SRGAP2B: variants seen among roughly 807,000 people sequenced by gnomAD.
The protein encoded by SRGAP2B is SLIT-ROBO Rho GTPase-activating protein 2B.
A neutral mutation model predicts 22.2 loss-of-function variants in SRGAP2B; 9 were observed. That is an observed-to-expected ratio of 0.41 (90% CI 0.24 to 0.71). The LOEUF is 0.71. SRGAP2B is among the 30% of genes least tolerant of loss of function. The pLI, the probability that SRGAP2B is intolerant of heterozygous loss-of-function variation, is 0.35. For missense variants in SRGAP2B, 114 were observed against 235.8 expected (o/e 0.48, Z 3.38); for synonymous variants, 36 against 87.4 (o/e 0.41, Z 3.28).
At chr1:145,057,089 G>A (rs1456605968) in intron 2 of SRGAP2B, among the ~76,000 whole-genome samples, 6 of 135,038 alleles carry the variant, frequency 4.4e-5, no homozygotes, top group African/African-American at 1.7e-4. Context: ...AGAAACAGCA[G>A]GTACAAAACT....
chr1:145,015,390 A>AT (rs1188954565), intron 2 of SRGAP2B, among the ~76,000 whole-genome samples: 1 of 117,202 alleles, frequency 8.5e-6, no homozygotes, highest in African/African-American at 3.6e-5. Context: ...AAGTTCATAA[A>AT]TTTTTAAATG....
In SRGAP2B at chr1:144,994,662, A is replaced by C. The variant is rs1486237600; in HGVS notation, c.260+346T>G. On this transcript the variant is annotated intron_variant, in intron 3 of 9. Coordinates refer to ENST00000612199, the Ensembl canonical transcript of SRGAP2B. ...AAGCCCCTTAACCTTTTTATGCCTC[A>C]GTTTCCTCATCTATAAATTGGGGAT... Among the ~76,000 whole-genome samples the C allele has an allele frequency of 6.2e-4, 91 of 147,292 alleles. 6 individuals are homozygous for C. Among genetic ancestry groups the C allele is most frequent in the Non-Finnish European group, 1.1e-3 (73 of 67,292 alleles).
intron 4 of SRGAP2B, chr1:144,918,392 A>C (rs1354966344): frequency 3.4e-5 from 5 of 148,042 alleles, no homozygotes; most frequent in African/African-American, 1.3e-4. Flanking sequence ...TTTGAAACTC[A>C]CCACAACCAT....
intron 2 of SRGAP2B, among the ~76,000 whole-genome samples, chr1:144,997,200 G>A (rs1204835290): frequency 2.7e-5 from 4 of 150,504 alleles, no homozygotes; most frequent in Non-Finnish European, 4.4e-5. Context: ...AGGCCGAGGC[G>A]GGCGGATCAC....
At chr1:144,952,740 T>C (rs1236375246) in intron 4 of SRGAP2B, among the ~76,000 whole-genome samples, 1 of 150,596 alleles carries the variant, frequency 6.6e-6, no homozygotes, top group Admixed American at 6.6e-5. Flanking sequence ...CCTGGGCTCA[T>C]GCAATACTCC....
At chr1:145,011,821 A>C (rs1397730641) in intron 2 of SRGAP2B, among the ~76,000 whole-genome samples, 2 of 149,626 alleles carry the variant, frequency 1.3e-5, no homozygotes, top group Admixed American at 6.6e-5. Flanking sequence ...TCTACTCTCC[A>C]CACTGCAGCC....
chr1:144,904,166 T>C (rs1174238647), intron 7 of SRGAP2B, among the ~76,000 whole-genome samples: 1 of 149,958 alleles, frequency 6.7e-6, no homozygotes, highest in Non-Finnish European at 1.5e-5. Context: ...GACAGGACCC[T>C]AATTTGCGCA....
intron 4 of SRGAP2B, among the ~76,000 whole-genome samples, chr1:144,924,791 T>C (rs1359441531): frequency 2.0e-5 from 3 of 146,462 alleles, no homozygotes; most frequent in African/African-American, 8.0e-5. Flanking sequence ...GCAGTATCCA[T>C]ATATGTCATT....
chr1:144,969,702 C>T (rs587626783), intron 3 of SRGAP2B, among the ~76,000 whole-genome samples: 3 of 150,720 alleles, frequency 2.0e-5, no homozygotes, highest in Admixed American at 2.0e-4. Context: ...TCAGAGTGAA[C>T]AGGCAAACTA....
In SRGAP2B at chr1:144,951,614, G is replaced by T. The variant is rs1298555102; in HGVS notation, c.423+3825C>A. Among the ~76,000 whole-genome samples the T allele has an allele frequency of 8.0e-4, 120 of 150,386 alleles. 1 individual carries two copies. Among genetic ancestry groups the T allele is most frequent in the Non-Finnish European group, 1.5e-3 (100 of 67,898 alleles). Reference sequence around the variant, plus strand: ...TATAAAGTGCTTAACACGATACCTGGCACATAGAGGTTCAAAATATAATGA... The same window carrying T: ...TATAAAGTGCTTAACACGATACCTGTCACATAGAGGTTCAAAATATAATGA... On this transcript the variant is annotated intron_variant, in intron 4 of 9. Coordinates refer to ENST00000612199, the Ensembl canonical transcript of SRGAP2B.
rs1386625485 is a variant in SRGAP2B at position 145,006,556 on chromosome 1, G to A, written c.68-11356C>T. Among the ~76,000 whole-genome samples the A allele has an allele frequency of 9.3e-5, 14 of 149,758 alleles. 2 individuals carry two copies. The highest frequency in any genetic ancestry group is 2.3e-4 in the African/African-American group (9 of 39,640). On this transcript the variant is annotated intron_variant, in intron 2 of 9. Transcript: ENST00000612199. ...TTCTGGATGTTGGGTAGACAGTCCC[G>A]TCCTTGACAAAACTTATTCCAATGA...
chr1:145,045,013 G>T (rs1269167421), intron 2 of SRGAP2B, among the ~76,000 whole-genome samples: 1 of 148,650 alleles, frequency 6.7e-6, no homozygotes, highest in Non-Finnish European at 1.5e-5. Context: ...TGGAGCCTTT[G>T]TCTATTTCAT....
At chr1:144,975,226 T>C (rs1553613995) in intron 3 of SRGAP2B, among the ~76,000 whole-genome samples, 1 of 148,202 alleles carries the variant, frequency 6.7e-6, no homozygotes, top group Non-Finnish European at 1.5e-5. Context: ...AGGAAAACAT[T>C]AAATACAAAC....
intron 3 of SRGAP2B, among the ~76,000 whole-genome samples, chr1:144,956,917 C>T (rs1322080644): frequency 2.0e-5 from 3 of 149,806 alleles, no homozygotes; most frequent in African/African-American, 7.6e-5. Flanking sequence ...ATACTGTACA[C>T]ATATCTGGGC....
intron 2 of SRGAP2B, among the ~76,000 whole-genome samples, chr1:145,017,304 G>C (rs1165814356): frequency 1.3e-5 from 2 of 149,646 alleles, no homozygotes; most frequent in African/African-American, 2.5e-5. Flanking sequence ...TTATTTTACA[G>C]GTCTCCAGGT....
At chr1:144,936,395 TTG>T (rs1325040749) in intron 4 of SRGAP2B, among the ~76,000 whole-genome samples, 1 of 144,662 alleles carries the variant, frequency 6.9e-6, no homozygotes, top group African/African-American at 2.6e-5. Context: ...TGACTACATC[TTG>T]TGAGGAATGC....
intron 4 of SRGAP2B, among the ~76,000 whole-genome samples, chr1:144,924,665 G>A (rs1553604717): frequency 6.6e-6 from 1 of 150,772 alleles, no homozygotes; most frequent in Non-Finnish European, 1.5e-5. Flanking sequence ...CCGGGAGGCG[G>A]AGCTTGCAGT....
rs1232920404 is a variant in SRGAP2B at position 144,965,232 on chromosome 1, C to A, written c.261-9631G>T. 5 of 686,928 alleles carry A rather than the reference C, an allele frequency of 7.3e-6. 1 individual carries two copies. The East Asian group carries it at 1.6e-4, about 22-fold the overall frequency. The allele number at this position is 686,928 out of a possible 1,614,324, so 42.6% of individuals were successfully genotyped here. On this transcript the variant is annotated intron_variant, in intron 3 of 9. Coordinates refer to ENST00000612199, the Ensembl canonical transcript of SRGAP2B. Reference sequence around the variant, plus strand: ...GAGCGACACAGAAGACGGGTGATTTCTGCATTTCCATCTGAGCTTTGAAGA... The same window carrying A: ...GAGCGACACAGAAGACGGGTGATTTATGCATTTCCATCTGAGCTTTGAAGA...
At chr1:145,020,059 T>A (rs1553623785) in intron 2 of SRGAP2B, among the ~76,000 whole-genome samples, 5 of 149,296 alleles carry the variant, frequency 3.3e-5, no homozygotes, top group Non-Finnish European at 3.0e-5. Context: ...CCTTTAAATT[T>A]TTGCACAAAT....
Sources: gnomAD v4.1 joint callset for allele counts (sites outside exome capture counted in the v4.1 genomes callset) on GRCh38, gnomAD v4.1.1 for gene constraint, MANE v1.5 for transcripts, NCBI Gene and HGNC (gene_info 2026-07-23, HGNC 2026-07-21) for gene names.